Variants in DDR1 observed in about 807,000 individuals in gnomAD.
DDR1 encodes the protein epithelial discoidin domain-containing receptor 1.
In DDR1, 64 loss-of-function variants were observed where a neutral mutation model predicts 97.4. The observed-to-expected ratio is 0.66, with a 90% CI of 0.54 to 0.81. The LOEUF is 0.81. DDR1 is among the 30% of genes least tolerant of loss of function. DDR1 has a pLI of 0.00. For missense variants in DDR1, 990 were observed against 1,259.6 expected (o/e 0.79, Z 3.24); for synonymous variants, 458 against 503.7 (o/e 0.91, Z 1.21).
Position 30,890,694 on chromosome 6 carries a change from A to C in DDR1, c.418-279A>C. ...GAGAATCTGGGCACAATGGGATGATAGGCTTGGAGACAAATGGATGGAGCC... is the reference window on the plus strand; with the variant it reads ...GAGAATCTGGGCACAATGGGATGATCGGCTTGGAGACAAATGGATGGAGCC... On this transcript the variant is annotated intron_variant, in intron 4 of 17. Transcript: ENST00000376568. The surrounding 1 kb of genome is among the most constrained non-coding windows in gnomAD (Gnocchi z 5.0). The C allele has an allele frequency of 2.4e-6, 1 of 421,500 alleles. No individual in the cohort carries two copies. Among genetic ancestry groups the C allele is most frequent in the Non-Finnish European group, 4.2e-6 (1 of 240,594 alleles). The allele number at this position is 421,500 out of a possible 1,614,324, so 26.1% of individuals were successfully genotyped here.
Position 30,892,399 on chromosome 6 carries a change from G to T in DDR1, c.956G>T (p.Arg319Leu). 1 of 1,598,834 alleles carries T rather than the reference G, an allele frequency of 6.3e-7. No individual in the cohort carries two copies. Among genetic ancestry groups the T allele is most frequent in the Non-Finnish European group, 8.5e-7 (1 of 1,176,042 alleles). ...ATGGCCTGGGAGGGGGAGCCCATGC[G>T]CCACAACCTAGGGGGCAACCTGGGG... Reference protein sequence around the residue: ...PAMAWEGEPMRHNLGGNLGDP... With the variant: ...PAMAWEGEPMLHNLGGNLGDP... The change falls in exon 8 of 18, where the codon CGC becomes CTC. Residue 319 changes from arginine to leucine, a missense_variant. Coordinates refer to ENST00000376568, the MANE Select transcript of DDR1 (RefSeq NM_001297654.2).
chr6:30,893,860 G>C (rs918302407), intron 10 of DDR1, among the ~76,000 whole-genome samples: 13 of 152,200 alleles, frequency 8.5e-5, no homozygotes, highest in African/African-American at 3.1e-4. Context: ...AAGCAGGGTA[G>C]AGACAGGCAG....
chr6:30,897,578 G>T lies in DDR1; in HGVS notation c.2197G>T (p.Ala733Ser). The T allele has an allele frequency of 1.2e-6, 2 of 1,612,010 alleles. No individual in the cohort carries two copies. Among genetic ancestry groups the T allele is most frequent in the Middle Eastern group, 1.7e-4 (1 of 5,724 alleles). ...AEGAPGDGQAAQGPTISYPML... is the reference protein window; with the variant it reads ...AEGAPGDGQASQGPTISYPML... ...GGGGGCCCCTGGGGACGGGCAGGCT[G>T]CGCAGGGGCCCACCATCAGGTACCT... Residue 733 changes from alanine to serine, a missense_variant, in exon 15 of 18, where the codon GCG becomes TCG. Coordinates refer to ENST00000376568, the MANE Select transcript of DDR1 (RefSeq NM_001297654.2). The surrounding 1 kb of genome is among the most constrained non-coding windows in gnomAD (Gnocchi z 5.2).
chr6:30,898,041 C>T, intron 15 of DDR1, 32 bp from the exon 16 acceptor site: 1 of 1,553,532 alleles, frequency 6.4e-7, no homozygotes, highest in Non-Finnish European at 8.9e-7. Flanking sequence ...GCGAAGCTGC[C>T]CCCAGTGACC....
In DDR1 at chr6:30,898,901, C is replaced by T; in HGVS notation, c.2465C>T (p.Thr822Ile). 6.2e-7 allele frequency: 1 copy of T among 1,607,400 alleles called. No homozygotes were observed. Among genetic ancestry groups the T allele is most frequent in the East Asian group, 2.2e-5 (1 of 44,658 alleles). ...WECILMGKFT[T>I]ASDVWAFGVT... The stretch of plus-strand genomic sequence containing the variant: ...TCTGCATCCCAGGGGAAGTTCACGA[C>T]TGCGAGTGACGTGTGGGCCTTTGGT... The change falls in exon 17 of 18, where the codon ACT (threonine) becomes ATT (isoleucine). Residue 822 changes from threonine (T) to isoleucine (I), a missense_variant. Coordinates refer to ENST00000376568, the MANE Select transcript of DDR1 (RefSeq NM_001297654.2).
At position 30,897,194 on chromosome 6, in the gene DDR1, G is replaced by C; in HGVS notation, c.1997+53G>C. The C allele has an allele frequency of 6.2e-7, 1 of 1,604,252 alleles. No homozygotes were observed. The highest frequency in any genetic ancestry group is 1.1e-5 in the South Asian group (1 of 89,702). ...AAGGGAGGGGAGGCCGTGAAGAGTG[G>C]GGAGCCATCTAGAGAGAACAATGGC... On this transcript the variant is annotated intron_variant, in intron 14 of 17. Coordinates refer to ENST00000376568, the MANE Select transcript of DDR1 (RefSeq NM_001297654.2). This position sits in a 1 kb window ranked among gnomAD's most constrained non-coding sequence, Gnocchi z 5.2.
intron 8 of DDR1, 128 bp from the exon 9 acceptor site, chr6:30,892,940 C>G: frequency 1.2e-6 from 1 of 815,532 alleles, no homozygotes; most frequent in Admixed American, 2.5e-5. Flanking sequence ...CCAGCCCCCA[C>G]TGGTCAGTGG....
chr6:30,898,768 G>A lies in DDR1; in HGVS notation c.2452-120G>A, dbSNP rs115510842. ...AGCGGAGGAGAGTGGAGAGCCTGGC[G>A]TCAGGAGGGATCAGGCCTGAGTGGA... On this transcript the variant is annotated intron_variant, in intron 16 of 17. Transcript: ENST00000376568. The A allele has an allele frequency of 3.2e-3, 3,430 of 1,085,394 alleles. 89 individuals are homozygous for A. In the African/African-American group the frequency reaches 0.047, roughly 15 times the overall value. The allele number at this position is 1,085,394 out of a possible 1,614,324, so 67.2% of individuals were successfully genotyped here.
intron 1 of DDR1, chr6:30,885,078 C>A: frequency 1.1e-6 from 1 of 886,220 alleles, no homozygotes; most frequent in Non-Finnish European, 1.7e-6. Context: ...TCCCTGCGGG[C>A]ATCTAACTGC....
chr6:30,888,495 G>A lies in DDR1; in HGVS notation c.-42-193G>A. ...AAGTGACTGTGAAGATAAAATTATG[G>A]ATTCTGTTTAAGGGTTTAGGCCAGT... On this transcript the variant is annotated intron_variant, in intron 1 of 17. Coordinates refer to ENST00000376568, the MANE Select transcript of DDR1 (RefSeq NM_001297654.2). The surrounding 1 kb of genome is among the most constrained non-coding windows in gnomAD (Gnocchi z 4.2). 1 of 615,978 alleles carries A rather than the reference G, an allele frequency of 1.6e-6. No individual in the cohort carries two copies. Among genetic ancestry groups the A allele is most frequent in the Non-Finnish European group, 2.8e-6 (1 of 358,058 alleles). 38.2% of individuals were successfully genotyped at this position (615,978 alleles called of 1,614,324 possible).
rs558224123 is a variant in DDR1, at chr6:30,892,208, G to A, written c.852+20G>A. Reference sequence around the variant, plus strand: ...ATGCAGGTGAGTGAGTCCGGCTCTCGAGGAGGGCTCTGAAGCCATGCAGGG... The same window carrying A: ...ATGCAGGTGAGTGAGTCCGGCTCTCAAGGAGGGCTCTGAAGCCATGCAGGG... On this transcript the variant is annotated intron_variant, in intron 7 of 17. Coordinates refer to ENST00000376568, the MANE Select transcript of DDR1 (RefSeq NM_001297654.2). 8.7e-6 allele frequency: 14 copies of A among 1,613,610 alleles called. No homozygotes were observed. The East Asian group carries it at 1.1e-4, about 13-fold the overall frequency.
rs1789941262 is a variant in DDR1 at position 30,894,511 on chromosome 6, A to G, written c.1353A>G (p.Glu451=). Residue 451 remains glutamate, a synonymous_variant, in exon 11 of 18, where the codon GAA becomes GAG. Coordinates refer to ENST00000376568, the MANE Select transcript of DDR1 (RefSeq NM_001297654.2). The surrounding 1 kb of genome is among the most constrained non-coding windows in gnomAD (Gnocchi z 5.7). ...CCTCCCATCCCTATGACAAGGCTGAACGGAGGGTGTTGGAAGAGGAGCTGA... is the reference window on the plus strand; with the variant it reads ...CCTCCCATCCCTATGACAAGGCTGAGCGGAGGGTGTTGGAAGAGGAGCTGA... ...LHWRRLLSKA[E]RRVLEEELTV... 6.2e-7 allele frequency: 1 copy of G among 1,608,402 alleles called. No homozygotes were observed. The highest frequency in any genetic ancestry group is 1.7e-5 in the Admixed American group (1 of 59,262).
intron 1 of DDR1, chr6:30,885,316 A>G: frequency 6.7e-7 from 1 of 1,494,954 alleles, no homozygotes; most frequent in South Asian, 1.2e-5. Flanking sequence ...AGCCAGAGGC[A>G]GGCGCCCAAG....
In DDR1 at chr6:30,897,993, G is replaced by A. The variant is rs1318821163; in HGVS notation, c.2217-80G>A. The A allele has an allele frequency of 7.1e-6, 8 of 1,122,866 alleles. No individual in the cohort carries two copies. The highest frequency in any genetic ancestry group is 6.1e-5 in the African/African-American group (4 of 65,172). The allele number at this position is 1,122,866 out of a possible 1,614,324, so 69.6% of individuals were successfully genotyped here. On this transcript the variant is annotated intron_variant, in intron 15 of 17. Coordinates refer to ENST00000376568, the MANE Select transcript of DDR1 (RefSeq NM_001297654.2). The surrounding 1 kb of genome is among the most constrained non-coding windows in gnomAD (Gnocchi z 5.2). The stretch of plus-strand genomic sequence containing the variant: ...ATGGGGAGCCAGAGTGACCGGGCCC[G>A]GGGAGTGGGCTCTCTCTCCTCTCCT...
At position 30,891,954 on chromosome 6, in the gene DDR1, G is replaced by A; in HGVS notation, c.666-48G>A. On this transcript the variant is annotated intron_variant, in intron 6 of 17. Transcript: ENST00000376568. The surrounding 1 kb of genome is among the most constrained non-coding windows in gnomAD (Gnocchi z 5.3). ...GCGGAGCAGAATGCCTGGATGTCAAGACCCTCTTCCCTTCCAACCTCCTCT... is the reference window on the plus strand; with the variant it reads ...GCGGAGCAGAATGCCTGGATGTCAAAACCCTCTTCCCTTCCAACCTCCTCT... 2 of 1,602,938 alleles carry A rather than the reference G, an allele frequency of 1.2e-6. No homozygotes were observed. Among genetic ancestry groups the A allele is most frequent in the South Asian group, 1.1e-5 (1 of 90,656 alleles).
In DDR1 at chr6:30,893,115, GC is replaced by G. The variant is rs2150367782; in HGVS notation, c.1152del (p.Trp385GlyfsTer75). The G allele has an allele frequency of 1.2e-6, 2 of 1,611,552 alleles. No individual in the cohort carries two copies. ...SPALGGTFPPAPWWPPGPPPT... is the reference protein window; with the variant it reads ...SPALGGTFPPXPWWPPGPPPT... Reference sequence around the variant, plus strand: ...GGCACTGGGAGGCACCTTCCCGCCAGCCCCCTGGTGGCCGCCTGGCCCACCT... The same window carrying G: ...GGCACTGGGAGGCACCTTCCCGCCAGCCCCTGGTGGCCGCCTGGCCCACCT... On this transcript the variant is annotated frameshift_variant, in exon 9 of 18. Transcript: ENST00000376568. LOFTEE classifies it high-confidence loss of function.
At chr6:30,892,967 AC>A in intron 8 of DDR1, 100 bp from the exon 9 acceptor site, 1 of 1,040,138 alleles carries the variant, frequency 9.6e-7, no homozygotes. Context: ...ATTGAGAATC[AC>A]CCATGCTTCT....
In DDR1 at chr6:30,892,313, G is replaced by A. The variant is rs2150353077; in HGVS notation, c.870G>A (p.Met290Ile). 6.4e-7 allele frequency: 1 copy of A among 1,573,674 alleles called. No homozygotes were observed. The highest frequency in any genetic ancestry group is 8.6e-7 in the Non-Finnish European group (1 of 1,158,496). The stretch of plus-strand genomic sequence containing the variant: ...CCCCCCAGGTCCACTGTAACAACAT[G>A]CACACGCTGGGAGCCCGTCTGCCTG... ...FQAMQVHCNN[M>I]HTLGARLPGG... Residue 290 changes from methionine (M) to isoleucine (I), a missense_variant, in exon 8 of 18, where the codon ATG becomes ATA. Met to Ile is a conservative substitution (Grantham distance 10). Coordinates refer to ENST00000376568, the MANE Select transcript of DDR1 (RefSeq NM_001297654.2).
Position 30,897,240 on chromosome 6 carries a change from C to A in DDR1, c.1997+99C>A. ...ATGGCAGAGCCCAACAGAGGGGTGGCATCTCTGGGAGGGGATTTACATGTA... is the reference window on the plus strand; with the variant it reads ...ATGGCAGAGCCCAACAGAGGGGTGGAATCTCTGGGAGGGGATTTACATGTA... On this transcript the variant is annotated intron_variant, in intron 14 of 17. Transcript: ENST00000376568. This position sits in a 1 kb window ranked among gnomAD's most constrained non-coding sequence, Gnocchi z 5.2. 1 of 1,520,612 alleles carries A rather than the reference C, an allele frequency of 6.6e-7. No individual in the cohort carries two copies. The highest frequency in any genetic ancestry group is 8.8e-7 in the Non-Finnish European group (1 of 1,133,532). 94.2% of individuals were successfully genotyped at this position (1,520,612 alleles called of 1,614,324 possible). A position where few individuals can be genotyped will look rare whatever the true frequency, so the allele number is the denominator to read the frequency against.
Sources: gnomAD v4.1 joint callset for allele counts (sites outside exome capture counted in the v4.1 genomes callset) on GRCh38, gnomAD v4.1.1 for gene constraint, Gnocchi (gnomAD v3.1) non-coding constraint, MANE v1.5 for transcripts, NCBI Gene and HGNC (gene_info 2026-07-23, HGNC 2026-07-21) for gene names.